The following NEK1 variants were observed in gnomAD, a reference collection of about 807,000 sequenced individuals.
The protein encoded by NEK1 is NIMA related kinase 1.
Under a neutral mutation model 182.1 loss-of-function variants are expected in NEK1, and 137 were observed. The observed-to-expected ratio is 0.75, with a 90% CI of 0.65 to 0.87. The LOEUF (loss-of-function observed/expected upper bound fraction) is 0.87, where lower values mean the gene tolerates loss of function less well. Ranked by LOEUF, NEK1 falls within the 40% of genes least tolerant of loss-of-function variation. The probability of loss-of-function intolerance (pLI) is 0.00; values close to 1 mark genes in which losing one functional copy is unlikely to be tolerated. For synonymous variants in NEK1, 513 were observed against 492.2 expected (o/e 1.04, Z -0.56); for missense variants, 1,391 against 1,494.4 (o/e 0.93, Z 1.14).
intron 5 of NEK1, among the ~76,000 whole-genome samples, chr4:169,598,414 T>C (rs1021652774): frequency 6.6e-6 from 1 of 151,584 alleles, no homozygotes; most frequent in African/African-American, 2.4e-5. Flanking sequence ...AAAGTAGTTA[T>C]GGAAAATTTA....
At position 169,585,425 on chromosome 4, in the gene NEK1, C is replaced by G; in HGVS notation, c.731G>C (p.Arg244Thr). The G allele has an allele frequency of 1.2e-6, 2 of 1,613,542 alleles. No homozygotes were observed. The highest frequency in any genetic ancestry group is 1.7e-6 in the Non-Finnish European group (2 of 1,179,678). Residue 244 changes from arginine to threonine, a missense_variant, in exon 10 of 36, where the codon AGG becomes ACG. Physicochemically the swap from Arg to Thr is moderately conservative, Grantham distance 71. Coordinates refer to ENST00000507142, the MANE Select transcript of NEK1 (RefSeq NM_001199397.3). Reference sequence around the variant, plus strand: ...TATGGAGTTGACTGATGGTCTATCCCTAGGATTTCTTTTAAATAACTGAGA... The same window carrying G: ...TATGGAGTTGACTGATGGTCTATCCGTAGGATTTCTTTTAAATAACTGAGA... ...LVSQLFKRNP[R>T]DRPSVNSILE...
At chr4:169,466,764 T>C (rs1745005267) in intron 26 of NEK1, among the ~76,000 whole-genome samples, 2 of 151,974 alleles carry the variant, frequency 1.3e-5, no homozygotes, top group South Asian at 2.1e-4. Context: ...ACAAAAGAAA[T>C]GAAAACTACA....
In NEK1 at chr4:169,580,855, T is replaced by C; in HGVS notation, c.855A>G (p.Ser285=). 1 of 1,533,112 alleles carries C rather than the reference T, an allele frequency of 6.5e-7. No individual in the cohort carries two copies. Among genetic ancestry groups the C allele is most frequent in the South Asian group, 1.2e-5 (1 of 81,782 alleles). 95.0% of individuals were successfully genotyped at this position (1,533,112 alleles called of 1,614,324 possible). A position where few individuals can be genotyped will look rare whatever the true frequency, so the allele number is the denominator to read the frequency against. Residue 285 remains serine (S), a synonymous_variant, in exon 11 of 36, where the codon TCA becomes TCG. Transcript: ENST00000507142. ...GATTTCATTTACCTGGTATAGGCTG[T>C]GATCCAAACTTCGAAAATGTTTTTA... ...FCLKTFSKFG[S]QPIPAKRPAS... is the part of the protein sequence containing the mutation.
intron 23 of NEK1, among the ~76,000 whole-genome samples, chr4:169,500,026 C>A (rs1317527702): frequency 6.6e-6 from 1 of 152,234 alleles, no homozygotes; most frequent in African/African-American, 2.4e-5. Context: ...GGCAGGCCTC[C>A]ATGAGCTGCG....
At chr4:169,530,576 T>C (rs1757516050) in intron 19 of NEK1, among the ~76,000 whole-genome samples, 1 of 152,078 alleles carries the variant, frequency 6.6e-6, no homozygotes, top group Non-Finnish European at 1.5e-5. Flanking sequence ...AAATACATTT[T>C]TGACTAAATA....
At chr4:169,607,666 T>C (rs997713557) in intron 2 of NEK1, among the ~76,000 whole-genome samples, 32 of 152,026 alleles carry the variant, frequency 2.1e-4, no homozygotes, top group Non-Finnish European at 2.9e-5. Flanking sequence ...GGTTTCACCG[T>C]GTTAGCCAGG....
chr4:169,530,776 C>T (rs1333009658), intron 19 of NEK1, among the ~76,000 whole-genome samples: 1 of 151,302 alleles, frequency 6.6e-6, no homozygotes, highest in African/African-American at 2.4e-5. Flanking sequence ...TGGAATTGTT[C>T]TGTAACTTGA....
intron 12 of NEK1, among the ~76,000 whole-genome samples, chr4:169,569,406 A>G (rs1764250522): frequency 6.6e-6 from 1 of 151,906 alleles, no homozygotes; most frequent in African/African-American, 2.4e-5. Flanking sequence ...GCTTTTAAAC[A>G]TTAAGAATAA....
intron 23 of NEK1, among the ~76,000 whole-genome samples, chr4:169,495,538 G>T (rs529576285): frequency 1.3e-5 from 2 of 152,144 alleles, no homozygotes; most frequent in African/African-American, 4.8e-5. Flanking sequence ...CACCGTGCCC[G>T]GCCCATTTAA....
intron 2 of NEK1, among the ~76,000 whole-genome samples, chr4:169,604,870 G>C (rs1024991116): frequency 6.6e-6 from 1 of 152,090 alleles, no homozygotes; most frequent in African/African-American, 2.4e-5. Context: ...CATTATTATA[G>C]CATTTTAGCA....
At chr4:169,445,978 A>G (rs535490588) in intron 27 of NEK1, among the ~76,000 whole-genome samples, 1 of 152,080 alleles carries the variant, frequency 6.6e-6, no homozygotes, top group South Asian at 2.1e-4. Flanking sequence ...TTATCCATAT[A>G]GAGAAATACA....
intron 2 of NEK1, among the ~76,000 whole-genome samples, chr4:169,603,941 T>C (rs2150146075): frequency 6.6e-6 from 1 of 152,320 alleles, no homozygotes; most frequent in East Asian, 1.9e-4. Flanking sequence ...CCTCAGGTGA[T>C]CTGCCCGCCT....
chr4:169,421,414 T>C (rs981053477), intron 31 of NEK1, among the ~76,000 whole-genome samples: 2 of 152,176 alleles, frequency 1.3e-5, no homozygotes, highest in Non-Finnish European at 2.9e-5. Flanking sequence ...TACAAGTTGA[T>C]ATGGTTTGGC....
At chr4:169,559,928 G>A (rs1328305469) in intron 16 of NEK1, among the ~76,000 whole-genome samples, 1 of 152,170 alleles carries the variant, frequency 6.6e-6, no homozygotes, top group Admixed American at 6.5e-5. Flanking sequence ...AGAATCGCTT[G>A]AACCCGGGAG....
intron 28 of NEK1, among the ~76,000 whole-genome samples, chr4:169,437,264 G>A (rs115285126): frequency 0.012 from 1,844 of 151,958 alleles, 31 homozygotes; most frequent in African/African-American, 0.04. Context: ...GAGAATAACT[G>A]TACTCAAAGA....
chr4:169,534,936 T>C (rs1758221753), intron 19 of NEK1, among the ~76,000 whole-genome samples: 1 of 152,182 alleles, frequency 6.6e-6, no homozygotes, highest in Non-Finnish European at 1.5e-5. Flanking sequence ...AAAACTGCTA[T>C]TGTAATTATA....
chr4:169,398,055 T>C (rs1173170736), intron 35 of NEK1, among the ~76,000 whole-genome samples: 3 of 152,166 alleles, frequency 2.0e-5, no homozygotes, highest in Non-Finnish European at 4.4e-5. Context: ...CAGCATGACA[T>C]ATGAGAAACA....
At chr4:169,532,825 G>A (rs1271688510) in intron 19 of NEK1, among the ~76,000 whole-genome samples, 2 of 151,606 alleles carry the variant, frequency 1.3e-5, no homozygotes, top group African/African-American at 2.4e-5. Context: ...GATGGCACGC[G>A]CCTGTAGTCC....
intron 23 of NEK1, among the ~76,000 whole-genome samples, chr4:169,484,371 A>G (rs1748673781): frequency 6.6e-6 from 1 of 152,224 alleles, no homozygotes; most frequent in Non-Finnish European, 1.5e-5. Flanking sequence ...TCAATCTGAC[A>G]CGATTTCTGT....
Sources: gnomAD v4.1 joint callset for allele counts (sites outside exome capture counted in the v4.1 genomes callset) on GRCh38, gnomAD v4.1.1 for gene constraint, MANE v1.5 for transcripts, NCBI Gene and HGNC (gene_info 2026-07-23, HGNC 2026-07-21) for gene names.